The following TTC28 variants were observed in gnomAD, a reference collection of about 807,000 sequenced individuals.
TTC28 encodes the protein tetratricopeptide repeat domain 28, also known as tetratricopeptide repeat protein 28.
A neutral mutation model predicts 198.0 loss-of-function variants in TTC28; 61 were observed. The observed-to-expected ratio is 0.31, with a 90% CI of 0.25 to 0.38. TTC28 has a LOEUF of 0.38. Ranked by LOEUF, TTC28 falls within the 10% of genes least tolerant of loss-of-function variation. The probability of loss-of-function intolerance (pLI) is 1.00; values close to 1 mark genes in which losing one functional copy is unlikely to be tolerated. For missense variants in TTC28, 2,678 were observed against 3,164.0 expected (o/e 0.85, Z 3.69); for synonymous variants, 1,171 against 1,297.8 (o/e 0.90, Z 2.10).
intron 12 of TTC28, among the ~76,000 whole-genome samples, chr22:28,045,821 G>A (rs1202327552): frequency 2.0e-5 from 3 of 152,122 alleles, no homozygotes; most frequent in African/African-American, 4.8e-5. Flanking sequence ...AAAATTAGCC[G>A]GGTGTGGTGG....
intron 6 of TTC28, among the ~76,000 whole-genome samples, chr22:28,110,926 C>A: frequency 6.8e-6 from 1 of 147,840 alleles, no homozygotes. Context: ...CAGAGTGAGA[C>A]CCTGCCTTTA....
chr22:28,074,847 C>T lies in TTC28; in HGVS notation c.3932+19233G>A, dbSNP rs569087581. ...AGGCGCAGTGGCTCACGCCTATAAT[C>T]CCAGCACTTTGGGAGGCCAAGGCAG... On this transcript the variant is annotated intron_variant, in intron 12 of 22. Coordinates refer to ENST00000397906, the MANE Select transcript of TTC28 (RefSeq NM_001145418.2). 4.6e-4 allele frequency among the ~76,000 whole-genome samples: 70 copies of T among 152,300 alleles called. No homozygotes were observed. In the South Asian group the frequency reaches 0.014, roughly 31 times the overall value.
intron 17 of TTC28, among the ~76,000 whole-genome samples, chr22:27,995,342 G>C (rs1024061129): frequency 6.6e-6 from 1 of 152,188 alleles, no homozygotes; most frequent in Non-Finnish European, 1.5e-5. Flanking sequence ...CGCTGCATGG[G>C]CCCCAGGCTG....
At chr22:28,316,976 G>C (rs1253592294) in intron 2 of TTC28, among the ~76,000 whole-genome samples, 1 of 151,902 alleles carries the variant, frequency 6.6e-6, no homozygotes, top group Non-Finnish European at 1.5e-5. Context: ...ATCTCGCTAT[G>C]TTATCTAGGC....
chr22:28,630,061 C>T (rs1173485852), intron 1 of TTC28, among the ~76,000 whole-genome samples: 1 of 151,988 alleles, frequency 6.6e-6, no homozygotes, highest in African/African-American at 2.4e-5. Flanking sequence ...CCAGTGAGAG[C>T]CGGTTGTTAA....
intron 2 of TTC28, among the ~76,000 whole-genome samples, chr22:28,556,403 T>C (rs1366369569): frequency 6.6e-6 from 1 of 152,164 alleles, no homozygotes. Flanking sequence ...AGATCATTTT[T>C]CTAAATATAT....
In TTC28 at chr22:28,043,242, C is replaced by CAAAAAAAAAAAA. The variant is rs11362041; in HGVS notation, c.3933-12888_3933-12877dup. Among the ~76,000 whole-genome samples, 47 of 65,568 alleles carry CAAAAAAAAAAAA rather than the reference C, an allele frequency of 7.2e-4. 8 individuals are homozygous for CAAAAAAAAAAAA. Among genetic ancestry groups the CAAAAAAAAAAAA allele is most frequent in the African/African-American group, 1.5e-3 (24 of 16,414 alleles). The allele number at this position is 65,568 out of a possible 152,430, so 43.0% of individuals were successfully genotyped here. A position where few individuals can be genotyped will look rare whatever the true frequency, so the allele number is the denominator to read the frequency against. ...TGCATAACAGAGTAAGACTCCATCT[C>CAAAAAAAAAAAA]AAAAAAAAAAAAAAAAAAAAAAAAA... is the stretch of plus-strand genomic sequence containing the variant. On this transcript the variant is annotated intron_variant, in intron 12 of 22. Transcript: ENST00000397906.
chr22:28,659,802 A>T (rs1239578972), intron 1 of TTC28, among the ~76,000 whole-genome samples: 1 of 146,548 alleles, frequency 6.8e-6, no homozygotes, highest in African/African-American at 2.5e-5. Flanking sequence ...TCTGAAATGC[A>T]TTTTTTTTTT....
At chr22:28,073,642 A>G (rs138685) in intron 12 of TTC28, among the ~76,000 whole-genome samples, 93,841 of 152,128 alleles carry the variant, frequency 0.62, 30,070 homozygotes, top group African/African-American at 0.79. Context: ...TCATTGTTCA[A>G]CACACATCCA....
intron 2 of TTC28, among the ~76,000 whole-genome samples, chr22:28,446,569 TC>T (rs886522504): frequency 6.6e-6 from 1 of 151,940 alleles, no homozygotes; most frequent in Admixed American, 6.6e-5. Context: ...CCCACCATCA[TC>T]CCCCCATCTT....
At chr22:28,574,025 T>C (rs1256226303) in intron 2 of TTC28, among the ~76,000 whole-genome samples, 2 of 152,166 alleles carry the variant, frequency 1.3e-5, no homozygotes, top group Non-Finnish European at 2.9e-5. Flanking sequence ...TGACAAGATC[T>C]CTTTTTTAAC....
At chr22:28,576,121 C>A (rs1460124906) in intron 2 of TTC28, among the ~76,000 whole-genome samples, 2 of 151,868 alleles carry the variant, frequency 1.3e-5, no homozygotes, top group African/African-American at 2.4e-5. Context: ...GTAATACTAG[C>A]TGTAGCTCTG....
chr22:28,318,121 G>A (rs1397431596), intron 2 of TTC28, among the ~76,000 whole-genome samples: 1 of 150,290 alleles, frequency 6.7e-6, no homozygotes, highest in East Asian at 2.0e-4. Flanking sequence ...TGTTGTCCAG[G>A]CTGGTCTCAA....
At chr22:28,066,330 C>T (rs77450399) in intron 12 of TTC28, among the ~76,000 whole-genome samples, 10,403 of 151,526 alleles carry the variant, frequency 0.069, 397 homozygotes, top group South Asian at 0.089. Context: ...TGTGCGCGCG[C>T]GCATGCATGT....
intron 2 of TTC28, among the ~76,000 whole-genome samples, chr22:28,545,932 T>TC (rs1271311596): frequency 6.6e-6 from 1 of 152,194 alleles, no homozygotes; most frequent in Non-Finnish European, 1.5e-5. Context: ...CAATGCAATT[T>TC]CAATCAAAAT....
intron 2 of TTC28, among the ~76,000 whole-genome samples, chr22:28,345,635 C>A (rs1231325756): frequency 6.6e-6 from 1 of 152,158 alleles, no homozygotes; most frequent in African/African-American, 2.4e-5. Context: ...AACACTGATG[C>A]TCTGGTTACA....
chr22:28,071,432 G>A (rs549502533), intron 12 of TTC28, among the ~76,000 whole-genome samples: 16 of 150,674 alleles, frequency 1.1e-4, no homozygotes, highest in African/African-American at 3.2e-4. Context: ...GTCCTTTGTA[G>A]GGACATGGAT....
intron 22 of TTC28, among the ~76,000 whole-genome samples, chr22:27,984,843 T>C (rs1291823405): frequency 6.6e-6 from 1 of 152,246 alleles, no homozygotes; most frequent in Non-Finnish European, 1.5e-5. Flanking sequence ...CTTCCCACTG[T>C]AGCCAGCTTG....
In TTC28 at chr22:28,528,951, C is replaced by T. The variant is rs560382077; in HGVS notation, c.381+100601G>A. ...GAAGACATAAAAGAATGGGGAGGTTCCAAGATTACCAAATAGGAACAACTC... is the reference window on the plus strand; with the variant it reads ...GAAGACATAAAAGAATGGGGAGGTTTCAAGATTACCAAATAGGAACAACTC... On this transcript the variant is annotated intron_variant, in intron 2 of 22. Transcript: ENST00000397906. Among the ~76,000 whole-genome samples the T allele has an allele frequency of 2.0e-5, 3 of 152,200 alleles. No homozygotes were observed. The South Asian group carries it at 6.2e-4, about 32-fold the overall frequency.
Sources: allele counts gnomAD v4.1 joint callset (sites outside exome capture counted in the v4.1 genomes callset), GRCh38; gene constraint gnomAD v4.1.1; transcripts MANE v1.5; gene names NCBI Gene and HGNC (gene_info 2026-07-23, HGNC 2026-07-21).